KCNJ6: variants seen among roughly 807,000 people sequenced by gnomAD.
KCNJ6 encodes the protein potassium inwardly rectifying channel subfamily J member 6, also known as G protein-activated inward rectifier potassium channel 2.
Under a neutral mutation model 34.2 loss-of-function variants are expected in KCNJ6, and 9 were observed. That is an observed-to-expected ratio of 0.26 (90% CI 0.16 to 0.46). KCNJ6 has a LOEUF of 0.46. Among genes scored for constraint, KCNJ6 ranks in the 20% least tolerant of loss-of-function variants. The pLI is 1.00. For missense variants in KCNJ6, 236 were observed against 531.3 expected (o/e 0.44, Z 5.46); for synonymous variants, 196 against 207.1 (o/e 0.95, Z 0.46).
intron 3 of KCNJ6, among the ~76,000 whole-genome samples, chr21:37,655,201 GT>G (rs2054452848): frequency 3.9e-5 from 3 of 76,694 alleles, no homozygotes; most frequent in African/African-American, 9.8e-5. Flanking sequence ...GTGTGTGTGT[GT>G]GTGTGTGTGT....
chr21:37,666,155 C>T (rs551006175), intron 3 of KCNJ6, among the ~76,000 whole-genome samples: 67 of 152,286 alleles, frequency 4.4e-4, no homozygotes, highest in African/African-American at 1.6e-3. Context: ...GGGATCCTAT[C>T]CTTGGGCAGA....
At chr21:37,687,727 A>G (rs2054622000) in intron 3 of KCNJ6, among the ~76,000 whole-genome samples, 1 of 152,038 alleles carries the variant, frequency 6.6e-6, no homozygotes, top group South Asian at 2.1e-4. Flanking sequence ...GCTTGTTAGG[A>G]TTTCTTATTA....
intron 3 of KCNJ6, among the ~76,000 whole-genome samples, chr21:37,665,476 T>C (rs768002503): frequency 3.3e-5 from 5 of 152,194 alleles, no homozygotes; most frequent in Non-Finnish European, 7.4e-5. Flanking sequence ...TAGCTCTGAA[T>C]TGTAAAGAGA....
intron 1 of KCNJ6, among the ~76,000 whole-genome samples, chr21:37,907,168 G>A (rs1255935366): frequency 7.9e-5 from 12 of 152,204 alleles, no homozygotes. Flanking sequence ...ACTGAAGGTA[G>A]TGTGTTGACA....
intron 2 of KCNJ6, among the ~76,000 whole-genome samples, chr21:37,731,137 C>T (rs543895885): frequency 7.0e-6 from 1 of 142,306 alleles, no homozygotes; most frequent in South Asian, 2.2e-4. Flanking sequence ...GTTTGTGTGC[C>T]TGCATGTGTG....
chr21:37,633,233 A>G (rs1486061888), intron 3 of KCNJ6, among the ~76,000 whole-genome samples: 1 of 152,180 alleles, frequency 6.6e-6, no homozygotes, highest in Admixed American at 6.5e-5. Context: ...TTGAAAGATC[A>G]TTTAAATATG....
At chr21:37,793,688 T>C (rs2055228091) in intron 2 of KCNJ6, among the ~76,000 whole-genome samples, 1 of 152,094 alleles carries the variant, frequency 6.6e-6, no homozygotes, top group African/African-American at 2.4e-5. Flanking sequence ...TGGTGCTAGT[T>C]CCATGGCAAT....
chr21:37,637,865 G>A (rs928986145), intron 3 of KCNJ6, among the ~76,000 whole-genome samples: 1 of 152,192 alleles, frequency 6.6e-6, no homozygotes, highest in Non-Finnish European at 1.5e-5. Flanking sequence ...CAGCAAGAAG[G>A]TGGTTGTCCT....
intron 1 of KCNJ6, among the ~76,000 whole-genome samples, chr21:37,880,320 A>G (rs994722000): frequency 2.6e-5 from 4 of 152,226 alleles, no homozygotes; most frequent in African/African-American, 9.7e-5. Flanking sequence ...GCTTTTGTCA[A>G]GCACATTGTA....
intron 2 of KCNJ6, among the ~76,000 whole-genome samples, chr21:37,718,821 A>AAT (rs2054808511): frequency 6.6e-6 from 1 of 151,674 alleles, no homozygotes; most frequent in African/African-American, 2.4e-5. Context: ...ATAATAATAA[A>AAT]AAAAAAATAC....
intron 3 of KCNJ6, among the ~76,000 whole-genome samples, chr21:37,691,672 G>T (rs552474108): frequency 7.9e-5 from 12 of 152,238 alleles, no homozygotes; most frequent in African/African-American, 2.2e-4. Flanking sequence ...CTCAGTTTTT[G>T]GCAAATCCAA....
At chr21:37,899,339 G>A (rs1156488009) in intron 1 of KCNJ6, among the ~76,000 whole-genome samples, 1 of 152,168 alleles carries the variant, frequency 6.6e-6, no homozygotes, top group Non-Finnish European at 1.5e-5. Context: ...GTTTTGCCCT[G>A]AAATACAGCC....
chr21:37,778,821 C>T (rs1486105703), intron 2 of KCNJ6, among the ~76,000 whole-genome samples: 1 of 151,710 alleles, frequency 6.6e-6, no homozygotes, highest in Non-Finnish European at 1.5e-5. Context: ...TTGGAGCACC[C>T]CCTCCTTCCT....
intron 3 of KCNJ6, among the ~76,000 whole-genome samples, chr21:37,631,723 A>G (rs965738022): frequency 6.6e-6 from 1 of 152,176 alleles, no homozygotes; most frequent in African/African-American, 2.4e-5. Flanking sequence ...AGAAAATCTC[A>G]GAGAGAAACC....
intron 3 of KCNJ6, among the ~76,000 whole-genome samples, chr21:37,690,215 T>C (rs954395933): frequency 6.6e-6 from 1 of 152,142 alleles, no homozygotes; most frequent in African/African-American, 2.4e-5. Flanking sequence ...TGTTCAAAGG[T>C]TTATCATTTT....
At chr21:37,852,376 G>A (rs991089298) in intron 1 of KCNJ6, among the ~76,000 whole-genome samples, 3 of 152,202 alleles carry the variant, frequency 2.0e-5, no homozygotes, top group African/African-American at 4.8e-5. Context: ...CCATCCAGCT[G>A]TAACAAGGTC....
At chr21:37,779,470 T>C (rs1462106732) in intron 2 of KCNJ6, among the ~76,000 whole-genome samples, 1 of 152,200 alleles carries the variant, frequency 6.6e-6, no homozygotes, top group Non-Finnish European at 1.5e-5. Flanking sequence ...AGTCCAATTA[T>C]TACCCCTAAC....
At chr21:37,815,394 C>T (rs1417589124) in intron 2 of KCNJ6, among the ~76,000 whole-genome samples, 1 of 152,074 alleles carries the variant, frequency 6.6e-6, no homozygotes, top group Non-Finnish European at 1.5e-5. Context: ...ATACATATAC[C>T]CACTATGTAC....
At chr21:37,750,810 A>T (rs556201431) in intron 2 of KCNJ6, among the ~76,000 whole-genome samples, 1 of 152,206 alleles carries the variant, frequency 6.6e-6, no homozygotes, top group Non-Finnish European at 1.5e-5. Context: ...GCAAACCACC[A>T]TGGCACATGT....
Sources: allele counts gnomAD v4.1 joint callset (sites outside exome capture counted in the v4.1 genomes callset), GRCh38; gene constraint gnomAD v4.1.1; transcripts MANE v1.5; gene names NCBI Gene and HGNC (gene_info 2026-07-23, HGNC 2026-07-21).